MORN5: variants seen among roughly 807,000 people sequenced by gnomAD.
The protein encoded by MORN5 is MORN repeat containing 5.
In MORN5, 21 loss-of-function variants were observed where a neutral mutation model predicts 22.1. The observed-to-expected ratio is 0.95, with a 90% CI of 0.67 to 1.37. The LOEUF is 1.37. MORN5 is among the 40% of genes most tolerant of loss of function. The pLI, the probability that MORN5 is intolerant of heterozygous loss-of-function variation, is 0.00. For missense variants in MORN5, 211 were observed against 215.1 expected, an observed-to-expected ratio of 0.98 and a Z score of 0.12; for synonymous variants, 73 against 74.0, an observed-to-expected ratio of 0.99 and a Z score of 0.07.
intron 3 of MORN5, 52 bp downstream of exon 3, chr9:122,169,808 GAC>G: frequency 8.4e-7 from 1 of 1,185,060 alleles, no homozygotes. Flanking sequence ...GGGAAACTAA[GAC>G]AGTTTCGGAT....
chr9:122,174,395 A>C, intron 3 of MORN5, 101 bp from the exon 4 acceptor site: 1 of 1,365,724 alleles, frequency 7.3e-7, no homozygotes, highest in Non-Finnish European at 1.0e-6. Flanking sequence ...CAGGGGAGCC[A>C]GATAGTCACA....
intron 4 of MORN5, among the ~76,000 whole-genome samples, chr9:122,189,865 C>T (rs1278414644): frequency 1.3e-5 from 2 of 152,150 alleles, no homozygotes; most frequent in Non-Finnish European, 2.9e-5. Flanking sequence ...CTCGGCCTCC[C>T]AAAGTGCTAG....
chr9:122,182,976 A>G (rs566744106), intron 4 of MORN5, among the ~76,000 whole-genome samples: 8 of 152,264 alleles, frequency 5.3e-5, no homozygotes, highest in African/African-American at 1.7e-4. Flanking sequence ...TTTATTCTGT[A>G]TTCCTCTATC....
At chr9:122,183,552 G>A (rs187623870) in intron 4 of MORN5, among the ~76,000 whole-genome samples, 33 of 152,318 alleles carry the variant, frequency 2.2e-4, no homozygotes, top group Admixed American at 1.2e-3. Context: ...GACAGAGAGT[G>A]AGCATCCCAA....
intron 4 of MORN5, among the ~76,000 whole-genome samples, chr9:122,184,558 T>A: frequency 6.6e-6 from 1 of 152,202 alleles, no homozygotes; most frequent in East Asian, 1.9e-4. Context: ...AAGAACTAGA[T>A]CTACTGATAT....
At chr9:122,195,033 A>C (rs1829856480) in intron 4 of MORN5, among the ~76,000 whole-genome samples, 1 of 152,054 alleles carries the variant, frequency 6.6e-6, no homozygotes, top group Admixed American at 6.6e-5. Context: ...AAAAAAAAAA[A>C]AGGCAAATAA....
chr9:122,195,613 A>T lies in MORN5; in HGVS notation c.440-4272A>T, dbSNP rs117858630. ...ATCACAGAAGTAAAGTGTCATTTTC[A>T]TCCCATCCTATCAAGGGTCCAGACT... On this transcript the variant is annotated intron_variant, in intron 4 of 4. Transcript: ENST00000373764. Among the ~76,000 whole-genome samples the T allele has an allele frequency of 3.7e-3, 567 of 152,220 alleles. 1 individual carries two copies. The highest frequency in any genetic ancestry group is 0.024 in the Middle Eastern group (7 of 294).
At chr9:122,169,614 C>T (rs377257225) in intron 2 of MORN5, 31 bp from the exon 3 acceptor site, 10 of 1,518,872 alleles carry the variant, frequency 6.6e-6, no homozygotes, top group Non-Finnish European at 9.1e-6. Flanking sequence ...TCAGCTTCCT[C>T]AGATGCACGT....
intron 4 of MORN5, among the ~76,000 whole-genome samples, chr9:122,193,383 G>C (rs541394640): frequency 6.6e-6 from 1 of 152,202 alleles, no homozygotes; most frequent in Non-Finnish European, 1.5e-5. Flanking sequence ...TCAAGAGATC[G>C]AGAACATCCT....
intron 3 of MORN5, among the ~76,000 whole-genome samples, chr9:122,172,199 T>C (rs1226475436): frequency 6.6e-6 from 1 of 151,628 alleles, no homozygotes; most frequent in Non-Finnish European, 1.5e-5. Flanking sequence ...CTAGAACTCC[T>C]GGCCTCAAGC....
At chr9:122,177,561 T>C (rs768457983) in intron 4 of MORN5, among the ~76,000 whole-genome samples, 3 of 152,202 alleles carry the variant, frequency 2.0e-5, no homozygotes, top group Non-Finnish European at 4.4e-5. Context: ...GCCTCCCAAG[T>C]AGCTGGGATT....
At chr9:122,169,168 C>T (rs1169820084) in intron 2 of MORN5, among the ~76,000 whole-genome samples, 2 of 152,160 alleles carry the variant, frequency 1.3e-5, no homozygotes, top group African/African-American at 4.8e-5. Context: ...GCTCAGCCCA[C>T]CGATTAAAAT....
chr9:122,180,027 C>T (rs1384449606), intron 4 of MORN5, among the ~76,000 whole-genome samples: 2 of 152,324 alleles, frequency 1.3e-5, no homozygotes, highest in Admixed American at 1.3e-4. Flanking sequence ...CAGCAGGTCA[C>T]GGGCTGGGCC....
At chr9:122,187,675 T>G (rs781419241) in intron 4 of MORN5, among the ~76,000 whole-genome samples, 19 of 152,086 alleles carry the variant, frequency 1.2e-4, no homozygotes, top group Non-Finnish European at 2.6e-4. Flanking sequence ...AGCTTAGGAA[T>G]CAAAATAACA....
chr9:122,180,986 G>A (rs1475640672), intron 4 of MORN5, among the ~76,000 whole-genome samples: 3 of 152,210 alleles, frequency 2.0e-5, no homozygotes, highest in African/African-American at 7.2e-5. Context: ...CTGCTCCTAG[G>A]TCCCTCGTAT....
intron 1 of MORN5, among the ~76,000 whole-genome samples, chr9:122,161,536 C>T (rs1021842043): frequency 5.9e-5 from 9 of 152,092 alleles, no homozygotes; most frequent in African/African-American, 1.9e-4. Context: ...AATGACTGGC[C>T]CACCATTATG....
chr9:122,166,498 TA>T (rs1829285058), intron 1 of MORN5, among the ~76,000 whole-genome samples: 1 of 152,036 alleles, frequency 6.6e-6, no homozygotes, highest in African/African-American at 2.4e-5. Context: ...CTGGGCCTAC[TA>T]GGGGGGTTTA....
At chr9:122,162,433 G>T (rs547526524) in intron 1 of MORN5, among the ~76,000 whole-genome samples, 10 of 152,144 alleles carry the variant, frequency 6.6e-5, no homozygotes, top group Non-Finnish European at 1.5e-4. Context: ...GAAAAGTTTG[G>T]CAGTTTCTTG....
intron 4 of MORN5, among the ~76,000 whole-genome samples, chr9:122,180,254 TAC>T (rs1829516516): frequency 6.6e-6 from 1 of 151,502 alleles, no homozygotes. Context: ...TGTATCTTTG[TAC>T]ATGCAACAAT....
Sources: gnomAD v4.1 joint callset for allele counts (sites outside exome capture counted in the v4.1 genomes callset) on GRCh38, gnomAD v4.1.1 for gene constraint, MANE v1.5 for transcripts, NCBI Gene and HGNC (gene_info 2026-07-23, HGNC 2026-07-21) for gene names.